Variants in CDYL2 observed in about 807,000 individuals in gnomAD.
CDYL2 encodes the protein chromodomain Y like 2, also known as chromodomain Y-like protein 2.
A neutral mutation model predicts 49.4 loss-of-function variants in CDYL2; 23 were observed. That is an observed-to-expected ratio of 0.47 (90% CI 0.34 to 0.66). CDYL2 has a LOEUF of 0.66. Ranked by LOEUF, CDYL2 falls within the 30% of genes least tolerant of loss-of-function variation. CDYL2 has a pLI of 0.01. For missense variants in CDYL2, 678 were observed against 656.4 expected (o/e 1.03, Z -0.36); for synonymous variants, 360 against 268.8 (o/e 1.34, Z -3.32).
intron 1 of CDYL2, among the ~76,000 whole-genome samples, chr16:80,780,122 T>C (rs944074390): frequency 6.6e-6 from 1 of 151,950 alleles, no homozygotes. Context: ...GTGACCAGAA[T>C]TTTTTTTAAT....
intron 2 of CDYL2, 108 bp from the exon 3 acceptor site, chr16:80,633,344 G>A (rs1382359259): frequency 2.0e-5 from 22 of 1,097,608 alleles, no homozygotes; most frequent in Admixed American, 4.2e-5. Flanking sequence ...GATGTGCTGG[G>A]ACACACCACC....
At chr16:80,710,381 T>C (rs956830352) in intron 1 of CDYL2, among the ~76,000 whole-genome samples, 1 of 152,366 alleles carries the variant, frequency 6.6e-6, no homozygotes, top group African/African-American at 2.4e-5. Flanking sequence ...TACCAAGTTA[T>C]GTCCATATCT....
chr16:80,723,536 C>T (rs1318109671), intron 1 of CDYL2, among the ~76,000 whole-genome samples: 1 of 152,122 alleles, frequency 6.6e-6, no homozygotes, highest in Non-Finnish European at 1.5e-5. Flanking sequence ...TGAGACTGAC[C>T]CCATGCCCCA....
rs1188322084 is a variant in CDYL2 at position 80,601,535 on chromosome 16, G to C, written c.*2853C>G. 6.6e-6 allele frequency: 1 copy of C among 151,720 alleles called. No homozygotes were observed. The highest frequency in any genetic ancestry group is 2.4e-5 in the African/African-American group (1 of 41,010). 9.4% of individuals were successfully genotyped at this position (151,720 alleles called of 1,614,324 possible). A position where few individuals can be genotyped will look rare whatever the true frequency, so the allele number is the denominator to read the frequency against. On this transcript the variant is annotated 3_prime_UTR_variant, in exon 7 of 7. Transcript: ENST00000570137. The stretch of plus-strand genomic sequence containing the variant: ...TCCCATAGACAGAGAGGGGGCCCTG[G>C]GGTGGAAGATCAAAAATGAAAGTCT...
At chr16:80,623,188 C>T (rs1023625885) in intron 3 of CDYL2, among the ~76,000 whole-genome samples, 3 of 151,976 alleles carry the variant, frequency 2.0e-5, no homozygotes, top group Non-Finnish European at 4.4e-5. Flanking sequence ...AGTCTAAAGC[C>T]CCAGCCCCGA....
intron 6 of CDYL2, among the ~76,000 whole-genome samples, chr16:80,607,881 G>A (rs956836821): frequency 6.6e-6 from 1 of 152,180 alleles, no homozygotes; most frequent in African/African-American, 2.4e-5. Context: ...TCTCTGCCTG[G>A]AGATGATGGA....
chr16:80,739,707 C>T (rs1177497988), intron 1 of CDYL2, among the ~76,000 whole-genome samples: 3 of 152,106 alleles, frequency 2.0e-5, no homozygotes, highest in African/African-American at 7.2e-5. Context: ...CAGCTCAGAG[C>T]TCAGGTGTGG....
intron 2 of CDYL2, among the ~76,000 whole-genome samples, chr16:80,671,537 T>C (rs1379082776): frequency 3.3e-5 from 5 of 152,216 alleles, no homozygotes; most frequent in African/African-American, 9.6e-5. Context: ...AAACATGCTC[T>C]GGGCTCTCCT....
chr16:80,802,957 G>T (rs1907970631), intron 1 of CDYL2, among the ~76,000 whole-genome samples: 1 of 152,198 alleles, frequency 6.6e-6, no homozygotes, highest in Non-Finnish European at 1.5e-5. Flanking sequence ...GAACCAGATG[G>T]CGTTAACCAA....
intron 6 of CDYL2, among the ~76,000 whole-genome samples, chr16:80,605,046 C>T (rs1398861968): frequency 1.3e-5 from 2 of 151,932 alleles, no homozygotes; most frequent in Non-Finnish European, 2.9e-5. Flanking sequence ...CAACTAATAA[C>T]ACTCAAGGCT....
Position 80,633,085 on chromosome 16 carries a change from C to A in CDYL2, c.768G>T (p.Lys256Asn). The A allele has an allele frequency of 6.2e-7, 1 of 1,614,156 alleles. No individual in the cohort carries two copies. The highest frequency in any genetic ancestry group is 8.5e-7 in the Non-Finnish European group (1 of 1,180,014). The change falls in exon 3 of 7, where the codon AAG becomes AAT. Residue 256 changes from lysine (K) to asparagine (N), a missense_variant. Physicochemically the swap from Lys to Asn is moderately conservative, Grantham distance 94. Around this residue, in one of 3 missense-constraint regions of CDYL2, gnomAD observed 478 missense variants for 427.0 expected, o/e 1.12. Coordinates refer to ENST00000570137, the MANE Select transcript of CDYL2 (RefSeq NM_152342.4). ...NCRFRDIVVRKEEGFTHILLS... is the reference protein window; with the variant it reads ...NCRFRDIVVRNEEGFTHILLS... Reference sequence around the variant, plus strand: ...GCAGGATGTGCGTGAACCCTTCTTCCTTCCGCACAACGATGTCTCGAAACC... The same window carrying A: ...GCAGGATGTGCGTGAACCCTTCTTCATTCCGCACAACGATGTCTCGAAACC...
At chr16:80,640,757 A>G (rs998355437) in intron 2 of CDYL2, among the ~76,000 whole-genome samples, 2 of 152,198 alleles carry the variant, frequency 1.3e-5, no homozygotes, top group African/African-American at 4.8e-5. Flanking sequence ...GATTGAAATA[A>G]TTAAAAAGAA....
At chr16:80,715,541 T>C (rs1045305621) in intron 1 of CDYL2, among the ~76,000 whole-genome samples, 1 of 152,076 alleles carries the variant, frequency 6.6e-6, no homozygotes, top group Non-Finnish European at 1.5e-5. Flanking sequence ...CCAGCTCTCA[T>C]AGCAGCCTCC....
intron 1 of CDYL2, among the ~76,000 whole-genome samples, chr16:80,795,768 A>G (rs559498782): frequency 1.3e-5 from 2 of 152,328 alleles, no homozygotes; most frequent in Admixed American, 6.5e-5. Context: ...TTGAGTTCTT[A>G]GAGTTACCAG....
intron 1 of CDYL2, among the ~76,000 whole-genome samples, chr16:80,785,723 C>T (rs1029712814): frequency 1.3e-5 from 2 of 152,106 alleles, no homozygotes; most frequent in African/African-American, 2.4e-5. Context: ...TACTACAAGG[C>T]TACAGTAAAC....
intron 1 of CDYL2, among the ~76,000 whole-genome samples, chr16:80,734,093 A>G (rs1312361704): frequency 2.0e-5 from 3 of 152,294 alleles, no homozygotes; most frequent in African/African-American, 4.8e-5. Flanking sequence ...CCAAGACCCC[A>G]TACTTCCTTT....
chr16:80,624,927 C>T (rs7198953), intron 3 of CDYL2, among the ~76,000 whole-genome samples: 18,831 of 151,892 alleles, frequency 0.12, 1,496 homozygotes, highest in Middle Eastern at 0.17. Flanking sequence ...GAAAATATAA[C>T]GGAGAGATTA....
chr16:80,782,399 T>C (rs1907298073), intron 1 of CDYL2, among the ~76,000 whole-genome samples: 1 of 151,890 alleles, frequency 6.6e-6, no homozygotes, highest in East Asian at 1.9e-4. Context: ...ACTGATGAAT[T>C]CTACCAAACA....
chr16:80,634,876 C>A (rs1270290370), intron 2 of CDYL2, among the ~76,000 whole-genome samples: 3 of 151,946 alleles, frequency 2.0e-5, no homozygotes, highest in Non-Finnish European at 4.4e-5. Context: ...AGCATCAAGC[C>A]CAAAGAATTA....
Sources: gnomAD v4.1 joint callset for allele counts (sites outside exome capture counted in the v4.1 genomes callset) on GRCh38, gnomAD v4.1.1 for gene constraint, gnomAD v4.1.1 regional missense constraint, MANE v1.5 for transcripts, NCBI Gene and HGNC (gene_info 2026-07-23, HGNC 2026-07-21) for gene names.